The following CNTNAP5 variants were observed in gnomAD, a reference collection of about 807,000 sequenced individuals.
CNTNAP5 encodes the protein contactin-associated protein-like 5.
CNTNAP5 carries 72 observed loss-of-function variants against 150.2 expected under a neutral mutation model. The ratio of observed to expected loss-of-function variants is 0.48; its 90% CI spans 0.40 to 0.58. The LOEUF is 0.58. CNTNAP5 is among the 20% of genes least tolerant of loss of function. CNTNAP5 has a pLI of 0.00. For missense variants in CNTNAP5, 1,636 were observed against 1,626.2 expected (o/e 1.01, Z -0.10); for synonymous variants, 672 against 619.8 (o/e 1.08, Z -1.25).
intron 4 of CNTNAP5, among the ~76,000 whole-genome samples, chr2:124,429,936 C>A (rs1332090813): frequency 1.3e-5 from 2 of 152,192 alleles, no homozygotes; most frequent in East Asian, 3.9e-4. Flanking sequence ...GGATGGCATA[C>A]CCTTCCGAGT....
rs147810578 is a variant in CNTNAP5 at position 124,502,895 on chromosome 2, C to G, written c.1063-1397C>G. On this transcript the variant is annotated intron_variant, in intron 7 of 23. Transcript: ENST00000682447. The stretch of plus-strand genomic sequence containing the variant: ...GTTTGTCTCCCATGTTTCCTGCTAA[C>G]TAGGCACATGGCTTTTGCTAAGTTA... Among the ~76,000 whole-genome samples, 275 of 152,294 alleles carry G rather than the reference C, an allele frequency of 1.8e-3. 2 individuals carry two copies. The highest frequency in any genetic ancestry group is 6.4e-3 in the African/African-American group (264 of 41,564).
At chr2:124,315,750 G>A (rs928880890) in intron 3 of CNTNAP5, among the ~76,000 whole-genome samples, 1 of 151,906 alleles carries the variant, frequency 6.6e-6, no homozygotes, top group Admixed American at 6.6e-5. Flanking sequence ...CAAACCCTGA[G>A]CTGCAAGGGG....
intron 1 of CNTNAP5, among the ~76,000 whole-genome samples, chr2:124,049,668 T>C (rs868766836): frequency 6.6e-6 from 1 of 152,210 alleles, no homozygotes; most frequent in Non-Finnish European, 1.5e-5. Flanking sequence ...TAATGATACC[T>C]ACCCCGATGA....
chr2:124,235,226 T>C (rs935525071), intron 2 of CNTNAP5, among the ~76,000 whole-genome samples: 4 of 152,116 alleles, frequency 2.6e-5, no homozygotes, highest in Admixed American at 6.6e-5. Context: ...GTTGAGGACA[T>C]GGGAAGTGAT....
Position 124,653,925 on chromosome 2 carries a change from C to CCA in CNTNAP5, c.2077+5978_2077+5979dup, listed in dbSNP as rs1343955111. On this transcript the variant is annotated intron_variant, in intron 13 of 23. Coordinates refer to ENST00000682447, the MANE Select transcript of CNTNAP5 (RefSeq NM_001367498.1). ...CACTGCCCCCAACCCCCCCCCCCCG[C>CCA]CACACACACACAATCAGTGCATGTT... Among the ~76,000 whole-genome samples the CCA allele has an allele frequency of 9.9e-4, 141 of 142,214 alleles. 1 individual carries two copies. The highest frequency in any genetic ancestry group is 2.4e-3 in the South Asian group (10 of 4,204). The allele number at this position is 142,214 out of a possible 152,430, so 93.3% of individuals were successfully genotyped here.
chr2:124,061,033 G>A (rs1422281989), intron 1 of CNTNAP5, among the ~76,000 whole-genome samples: 5 of 152,044 alleles, frequency 3.3e-5, no homozygotes, highest in African/African-American at 7.3e-5. Context: ...ACCAAGATCT[G>A]AGCACATTCC....
chr2:124,626,798 G>A (rs1271016898), intron 12 of CNTNAP5, among the ~76,000 whole-genome samples: 1 of 152,148 alleles, frequency 6.6e-6, no homozygotes, highest in African/African-American at 2.4e-5. Flanking sequence ...AGCAAGCTAA[G>A]AACCACTAGC....
rs1450118967 is a variant in CNTNAP5, at chr2:124,786,442, GGAAGGAAA to G, written c.2753-3456_2753-3449del. Among the ~76,000 whole-genome samples the G allele has an allele frequency of 4.4e-3, 394 of 90,108 alleles. 2 individuals are homozygous for G. The highest frequency in any genetic ancestry group is 7.0e-3 in the Middle Eastern group (1 of 142). The allele number at this position is 90,108 out of a possible 152,430, so 59.1% of individuals were successfully genotyped here. A position where few individuals can be genotyped will look rare whatever the true frequency, so the allele number is the denominator to read the frequency against. On this transcript the variant is annotated intron_variant, in intron 17 of 23. Transcript: ENST00000682447. The stretch of plus-strand genomic sequence containing the variant: ...AGGAAGGAAGGAAGGAAGGAAGGAA[GGAAGGAAA>G]GAAAGAAAGAAAGAAAGGAAGGAAG...
chr2:124,806,301 G>T (rs575849554), intron 19 of CNTNAP5, among the ~76,000 whole-genome samples: 1 of 152,168 alleles, frequency 6.6e-6, no homozygotes. Context: ...TCCATAAGAT[G>T]TTATAGGATG....
intron 3 of CNTNAP5, among the ~76,000 whole-genome samples, chr2:124,249,139 A>G (rs1053898700): frequency 6.6e-6 from 1 of 152,032 alleles, no homozygotes; most frequent in African/African-American, 2.4e-5. Flanking sequence ...CAAACCATCA[A>G]TTCTCCTCAG....
chr2:124,268,338 G>A (rs1687664079), intron 3 of CNTNAP5, among the ~76,000 whole-genome samples: 1 of 152,222 alleles, frequency 6.6e-6, no homozygotes, highest in East Asian at 1.9e-4. Flanking sequence ...CTTTGTATAA[G>A]CTCTGTGTTG....
At chr2:124,528,477 G>A (rs1482987513) in intron 10 of CNTNAP5, among the ~76,000 whole-genome samples, 1 of 152,154 alleles carries the variant, frequency 6.6e-6, no homozygotes, top group African/African-American at 2.4e-5. Flanking sequence ...AGCATGGATT[G>A]CAAGTATTTC....
chr2:124,591,416 T>A (rs1052009901), intron 11 of CNTNAP5, among the ~76,000 whole-genome samples: 12 of 152,078 alleles, frequency 7.9e-5, no homozygotes, highest in Non-Finnish European at 1.6e-4. Context: ...AATTTTTAAG[T>A]TTAGCTCAAT....
chr2:124,186,062 C>T (rs58178499), intron 1 of CNTNAP5, among the ~76,000 whole-genome samples: 2,312 of 152,258 alleles, frequency 0.015, 69 homozygotes, highest in African/African-American at 0.053. Flanking sequence ...TATATCAGAA[C>T]CCCCGGAGGA....
intron 21 of CNTNAP5, among the ~76,000 whole-genome samples, chr2:124,875,725 T>G (rs530209724): frequency 6.6e-6 from 1 of 151,610 alleles, no homozygotes; most frequent in Admixed American, 6.6e-5. Flanking sequence ...TCTGTTTTCT[T>G]TTTTGTTAAT....
At chr2:124,662,625 A>T (rs1260385697) in intron 13 of CNTNAP5, among the ~76,000 whole-genome samples, 1 of 152,324 alleles carries the variant, frequency 6.6e-6, no homozygotes, top group African/African-American at 2.4e-5. Context: ...TTCTAGGCAG[A>T]TCTAATTTCA....
intron 3 of CNTNAP5, among the ~76,000 whole-genome samples, chr2:124,404,318 C>T (rs1436886548): frequency 5.9e-5 from 9 of 152,142 alleles, no homozygotes; most frequent in South Asian, 2.1e-4. Flanking sequence ...CTGGTGGCAC[C>T]GGGATACTTG....
At chr2:124,652,657 G>C (rs554839149) in intron 13 of CNTNAP5, among the ~76,000 whole-genome samples, 1 of 152,162 alleles carries the variant, frequency 6.6e-6, no homozygotes, top group Non-Finnish European at 1.5e-5. Context: ...GCAAGTGACC[G>C]CATGGGGAAA....
At chr2:124,584,696 A>G (rs1696489451) in intron 11 of CNTNAP5, among the ~76,000 whole-genome samples, 1 of 152,178 alleles carries the variant, frequency 6.6e-6, no homozygotes, top group African/African-American at 2.4e-5. Flanking sequence ...AGAATTCTGG[A>G]CTCGTTAAAA....
Sources: allele counts gnomAD v4.1 joint callset (sites outside exome capture counted in the v4.1 genomes callset), GRCh38; gene constraint gnomAD v4.1.1; transcripts MANE v1.5; gene names NCBI Gene and HGNC (gene_info 2026-07-23, HGNC 2026-07-21).